DENND1A: variants seen among roughly 807,000 people sequenced by gnomAD.
DENND1A encodes the protein DENN domain-containing protein 1A.
In DENND1A, 51 loss-of-function variants were observed where a neutral mutation model predicts 113.7. That is an observed-to-expected ratio of 0.45 (90% confidence interval 0.36 to 0.57). DENND1A has a LOEUF of 0.57. Among genes scored for constraint, DENND1A ranks in the 20% least tolerant of loss-of-function variants. The pLI, the probability that DENND1A is intolerant of heterozygous loss-of-function variation, is 0.00. For synonymous variants in DENND1A, 565 were observed against 570.8 expected, an observed-to-expected ratio of 0.99 and a Z score of 0.14; for missense variants, 1,258 against 1,395.9, an observed-to-expected ratio of 0.90 and a Z score of 1.57.
intron 5 of DENND1A, among the ~76,000 whole-genome samples, chr9:123,755,940 C>T (rs113882116): frequency 0.15 from 22,845 of 152,076 alleles, 2,113 homozygotes; most frequent in African/African-American, 0.26. Context: ...GATGGAGTTT[C>T]GCTCTTGTCA....
At chr9:123,906,430 G>T (rs1852848726) in intron 1 of DENND1A, among the ~76,000 whole-genome samples, 2 of 111,788 alleles carry the variant, frequency 1.8e-5, no homozygotes, top group South Asian at 5.7e-4. Flanking sequence ...CTGGTTTTTT[G>T]AAAGGATCAA....
intron 4 of DENND1A, among the ~76,000 whole-genome samples, chr9:123,762,298 T>C (rs2071106581): frequency 1.3e-5 from 2 of 152,232 alleles, no homozygotes; most frequent in Non-Finnish European, 2.9e-5. Context: ...GCCTTAGCTG[T>C]GCTTCTTGTA....
intron 12 of DENND1A, among the ~76,000 whole-genome samples, chr9:123,574,938 T>A (rs546927036): frequency 6.6e-6 from 1 of 152,356 alleles, no homozygotes; most frequent in Admixed American, 6.5e-5. Context: ...CATGCCATTT[T>A]TCTATCCCAA....
intron 13 of DENND1A, among the ~76,000 whole-genome samples, chr9:123,553,340 A>G (rs1334027036): frequency 6.6e-6 from 1 of 151,904 alleles, no homozygotes; most frequent in Non-Finnish European, 1.5e-5. Flanking sequence ...CTGATTTCAG[A>G]TCACAGGAAC....
chr9:123,780,306 ATC>A lies in DENND1A; in HGVS notation c.133-10745_133-10744del, dbSNP rs200335078. ...AATTCCTATCATCAAATTGACCATT[ATC>A]TCTAGAATGAGTTAAGAATGATGGG... On this transcript the variant is annotated intron_variant, in intron 3 of 23. Transcript: ENST00000394215. Among the ~76,000 whole-genome samples, 1,144 of 152,300 alleles carry A rather than the reference ATC, an allele frequency of 7.5e-3. 9 individuals carry two copies. The highest frequency in any genetic ancestry group is 0.026 in the African/African-American group (1,081 of 41,568).
At chr9:123,730,782 T>C (rs1013386000) in intron 5 of DENND1A, among the ~76,000 whole-genome samples, 23 of 152,174 alleles carry the variant, frequency 1.5e-4, no homozygotes, top group Non-Finnish European at 3.1e-4. Flanking sequence ...TTATAAATCA[T>C]TCTACTATAA....
rs754322241 is a variant in DENND1A, at chr9:123,924,648, C to CAA, written c.17+5239_17+5240dup. 5.2e-3 allele frequency among the ~76,000 whole-genome samples: 543 copies of CAA among 105,262 alleles called. 5 individuals carry two copies. Among genetic ancestry groups the CAA allele is most frequent in the African/African-American group, 0.015 (470 of 30,522 alleles). 69.1% of individuals were successfully genotyped at this position (105,262 alleles called of 152,430 possible). A position where few individuals can be genotyped will look rare whatever the true frequency, so the allele number is the denominator to read the frequency against. On this transcript the variant is annotated intron_variant, in intron 1 of 23. Transcript: ENST00000394215. Reference sequence around the variant, plus strand: ...CCTGGGGGACAGAGTGAAACTGTCTCAAAAAAAAAAAAAAAGTAAATATTA... The same window carrying CAA: ...CCTGGGGGACAGAGTGAAACTGTCTCAAAAAAAAAAAAAAAAAGTAAATATTA...
intron 13 of DENND1A, among the ~76,000 whole-genome samples, chr9:123,515,345 T>C (rs916052392): frequency 6.6e-6 from 1 of 152,232 alleles, no homozygotes; most frequent in East Asian, 1.9e-4. Flanking sequence ...TTGAGAACGA[T>C]AATGGCTTTA....
At chr9:123,523,273 C>T (rs2054540139) in intron 13 of DENND1A, among the ~76,000 whole-genome samples, 1 of 152,180 alleles carries the variant, frequency 6.6e-6, no homozygotes, top group Non-Finnish European at 1.5e-5. Context: ...AGGCTAATCC[C>T]CAACAGCATG....
At chr9:123,919,883 G>GAAAAA (rs56784407) in intron 1 of DENND1A, among the ~76,000 whole-genome samples, 1 of 55,392 alleles carries the variant, frequency 1.8e-5, no homozygotes, top group African/African-American at 5.4e-5. Context: ...CTCTGTCTCA[G>GAAAAA]AAAAAAAAAA....
chr9:123,403,327 C>T (rs994343073), intron 21 of DENND1A, 75 bp downstream of exon 21: 22 of 1,509,530 alleles, frequency 1.5e-5, no homozygotes, highest in South Asian at 4.6e-5. Context: ...CGGGGCTACA[C>T]GCTTGGGCTT....
chr9:123,853,523 GC>G (rs1176825811), intron 2 of DENND1A, among the ~76,000 whole-genome samples: 3 of 151,926 alleles, frequency 2.0e-5, no homozygotes, highest in African/African-American at 7.2e-5. Context: ...AATTAGCCAG[GC>G]ATGGTGGCAG....
intron 3 of DENND1A, among the ~76,000 whole-genome samples, chr9:123,791,088 C>T (rs935681963): frequency 3.3e-5 from 5 of 152,098 alleles, no homozygotes; most frequent in African/African-American, 7.2e-5. Flanking sequence ...CTATGTTGAA[C>T]GGAATAGACC....
intron 5 of DENND1A, among the ~76,000 whole-genome samples, chr9:123,716,605 T>TC (rs60576432): frequency 0.21 from 31,276 of 152,080 alleles, 3,460 homozygotes; most frequent in African/African-American, 0.29. Context: ...ACTAATAAAA[T>TC]AAAACTAAAT....
chr9:123,920,751 T>G (rs887073142), intron 1 of DENND1A, among the ~76,000 whole-genome samples: 4 of 151,898 alleles, frequency 2.6e-5, no homozygotes, highest in African/African-American at 9.7e-5. Context: ...TTTTTTTTTT[T>G]TAGTAGAGAT....
At chr9:123,840,266 GA>G (rs1391663734) in intron 2 of DENND1A, among the ~76,000 whole-genome samples, 1 of 151,754 alleles carries the variant, frequency 6.6e-6, no homozygotes, top group African/African-American at 2.4e-5. Flanking sequence ...GCTGAAAACA[GA>G]AGGAATGTAA....
chr9:123,858,179 G>A (rs1276245274), intron 2 of DENND1A, among the ~76,000 whole-genome samples: 3 of 152,148 alleles, frequency 2.0e-5, no homozygotes, highest in African/African-American at 4.8e-5. Flanking sequence ...CCAAAACTGA[G>A]AATTAGATGG....
At chr9:123,579,322 T>C (rs1478443575) in intron 12 of DENND1A, among the ~76,000 whole-genome samples, 1 of 152,232 alleles carries the variant, frequency 6.6e-6, no homozygotes, top group Non-Finnish European at 1.5e-5. Context: ...AAAACAGGTC[T>C]GTTTGATTTC....
chr9:123,486,696 T>C (rs2050898870), intron 13 of DENND1A, among the ~76,000 whole-genome samples: 1 of 152,186 alleles, frequency 6.6e-6, no homozygotes, highest in East Asian at 1.9e-4. Flanking sequence ...TGCAAGCACC[T>C]TGGTGAAACC....
Sources: allele counts gnomAD v4.1 joint callset (sites outside exome capture counted in the v4.1 genomes callset), GRCh38; gene constraint gnomAD v4.1.1; transcripts MANE v1.5; gene names NCBI Gene and HGNC (gene_info 2026-07-23, HGNC 2026-07-21).